TMCC1: variants seen among roughly 807,000 people sequenced by gnomAD.
TMCC1 encodes transmembrane and coiled-coil domains protein 1.
A neutral mutation model predicts 52.4 loss-of-function variants in TMCC1; 15 were observed. The observed-to-expected ratio is 0.29, with a 90% CI of 0.19 to 0.44. The LOEUF is 0.44. TMCC1 is among the 20% of genes least tolerant of loss of function. The pLI is 1.00. For missense variants in TMCC1, 503 were observed against 806.0 expected (o/e 0.62, Z 4.55); for synonymous variants, 279 against 301.9 (o/e 0.92, Z 0.79).
intron 5 of TMCC1, among the ~76,000 whole-genome samples, chr3:129,666,338 A>G (rs529088725): frequency 6.6e-6 from 1 of 152,350 alleles, no homozygotes; most frequent in Non-Finnish European, 1.5e-5. Context: ...TAAGCTGAAT[A>G]CTACCATATC....
chr3:129,678,773 A>T (rs1334693704), intron 4 of TMCC1, among the ~76,000 whole-genome samples: 1 of 152,208 alleles, frequency 6.6e-6, no homozygotes, highest in East Asian at 1.9e-4. Context: ...ATCACAAATT[A>T]AAGAAGTACC....
At chr3:129,694,605 G>C (rs969874612) in intron 4 of TMCC1, among the ~76,000 whole-genome samples, 1 of 152,194 alleles carries the variant, frequency 6.6e-6, no homozygotes, top group African/African-American at 2.4e-5. Context: ...CTGAAACCAA[G>C]ATGGCGATGA....
chr3:129,771,494 G>C lies in TMCC1; in HGVS notation c.576+56309C>G, dbSNP rs149122617. Among the ~76,000 whole-genome samples the C allele has an allele frequency of 5.4e-4, 82 of 152,182 alleles. 3 individuals are homozygous for C. In the East Asian group the frequency reaches 0.011, roughly 20 times the overall value. On this transcript the variant is annotated intron_variant, in intron 4 of 6. Transcript: ENST00000393238. The stretch of plus-strand genomic sequence containing the variant: ...ACACAGTTTAGAAAGATTTATGTGG[G>C]CTGGGCACGGTTGCTCACACATGTA...
At chr3:129,684,701 A>G (rs1490672590) in intron 4 of TMCC1, among the ~76,000 whole-genome samples, 1 of 152,218 alleles carries the variant, frequency 6.6e-6, no homozygotes, top group Non-Finnish European at 1.5e-5. Flanking sequence ...GTAAAGTAGA[A>G]AAGTATATGA....
chr3:129,677,696 G>A (rs1439308252), intron 4 of TMCC1, among the ~76,000 whole-genome samples: 1 of 152,206 alleles, frequency 6.6e-6, no homozygotes, highest in Non-Finnish European at 1.5e-5. Context: ...CCCTGAGCTG[G>A]TTGTCATGGC....
At chr3:129,796,819 G>T (rs1045938009) in intron 4 of TMCC1, among the ~76,000 whole-genome samples, 2 of 152,178 alleles carry the variant, frequency 1.3e-5, no homozygotes, top group Non-Finnish European at 2.9e-5. Flanking sequence ...AACAGAGTGA[G>T]ACCTTATCTC....
intron 1 of TMCC1, among the ~76,000 whole-genome samples, chr3:129,881,622 A>T (rs1577209576): frequency 6.6e-6 from 1 of 152,246 alleles, no homozygotes; most frequent in Non-Finnish European, 1.5e-5. Context: ...ATACAGAACA[A>T]GAAATCTGTT....
chr3:129,859,330 T>G (rs1482283789), intron 2 of TMCC1, among the ~76,000 whole-genome samples: 1 of 152,180 alleles, frequency 6.6e-6, no homozygotes, highest in Non-Finnish European at 1.5e-5. Context: ...AAGTATGAGA[T>G]AAACCATAAA....
intron 4 of TMCC1, among the ~76,000 whole-genome samples, chr3:129,778,642 G>A (rs185879263): frequency 6.2e-4 from 93 of 149,660 alleles, no homozygotes; most frequent in South Asian, 6.5e-4. Flanking sequence ...CATGTTAGGG[G>A]AGGGACCTCA....
At chr3:129,797,663 C>A (rs1187413949) in intron 4 of TMCC1, among the ~76,000 whole-genome samples, 3 of 150,310 alleles carry the variant, frequency 2.0e-5, no homozygotes, top group Non-Finnish European at 4.4e-5. Context: ...GAGGATCACT[C>A]GAGTATGGGA....
intron 5 of TMCC1, among the ~76,000 whole-genome samples, chr3:129,668,700 A>C (rs1340763599): frequency 6.6e-6 from 1 of 152,198 alleles, no homozygotes; most frequent in African/African-American, 2.4e-5. Context: ...ATCTCGGCTC[A>C]CTGCAACCTC....
chr3:129,877,374 A>G (rs1376536181), intron 2 of TMCC1, among the ~76,000 whole-genome samples: 2 of 152,104 alleles, frequency 1.3e-5, no homozygotes, highest in East Asian at 3.8e-4. Flanking sequence ...TTCTCATCTT[A>G]ACTCTCCAGC....
At position 129,680,006 on chromosome 3, in the gene TMCC1, T is replaced by G. The variant is rs115103085; in HGVS notation, c.577-8742A>C. On this transcript the variant is annotated intron_variant, in intron 4 of 6. Coordinates refer to ENST00000393238, the MANE Select transcript of TMCC1 (RefSeq NM_001017395.5). ...TAACAGGATCTTATTGCATCAGAGA[T>G]TGACTTTTAAAAGCTTCCCAAAGTA... Among the ~76,000 whole-genome samples, 221 of 152,344 alleles carry G rather than the reference T, an allele frequency of 1.5e-3. 1 individual carries two copies. Among genetic ancestry groups the G allele is most frequent in the African/African-American group, 5.2e-3 (216 of 41,576 alleles).
At chr3:129,764,781 ATATATATATTTTTTTTTTTTTT>A (rs1328874459) in intron 4 of TMCC1, among the ~76,000 whole-genome samples, 138 of 76,044 alleles carry the variant, frequency 1.8e-3, no homozygotes, top group Middle Eastern at 6.8e-3. Context: ...ATATATATAT[ATATATATATTTTTTTTTTTTTT>A]TTTTTTTTTT....
chr3:129,824,765 C>G lies in TMCC1; in HGVS notation c.576+3038G>C, dbSNP rs551273214. The stretch of plus-strand genomic sequence containing the variant: ...TTAAAGGCCTATAAGACATTCTCTT[C>G]ATAGTAGGTGTCAGCCACCCAACTG... On this transcript the variant is annotated intron_variant, in intron 4 of 6. Coordinates refer to ENST00000393238, the MANE Select transcript of TMCC1 (RefSeq NM_001017395.5). 7.2e-5 allele frequency among the ~76,000 whole-genome samples: 11 copies of G among 152,336 alleles called. No homozygotes were observed. The South Asian group carries it at 2.3e-3, about 32-fold the overall frequency.
At chr3:129,858,607 A>G (rs1486453932) in intron 2 of TMCC1, among the ~76,000 whole-genome samples, 3 of 152,118 alleles carry the variant, frequency 2.0e-5, no homozygotes, top group African/African-American at 7.2e-5. Context: ...CGTGAGCTCA[A>G]GCAATCCACC....
At chr3:129,841,238 G>A (rs1414682282) in intron 2 of TMCC1, among the ~76,000 whole-genome samples, 1 of 152,184 alleles carries the variant, frequency 6.6e-6, no homozygotes, top group East Asian at 1.9e-4. Context: ...AGAGTATCTG[G>A]CAGGAGAAAT....
At chr3:129,693,996 A>G (rs2047211742) in intron 4 of TMCC1, among the ~76,000 whole-genome samples, 1 of 152,180 alleles carries the variant, frequency 6.6e-6, no homozygotes, top group Admixed American at 6.5e-5. Flanking sequence ...ACAATAGTTG[A>G]CTTGATATAG....
intron 4 of TMCC1, among the ~76,000 whole-genome samples, chr3:129,677,923 G>A (rs2088598403): frequency 6.6e-6 from 1 of 152,048 alleles, no homozygotes; most frequent in Non-Finnish European, 1.5e-5. Context: ...TCCAACAGTC[G>A]GTTCATTTTT....
Sources: allele counts gnomAD v4.1 joint callset (sites outside exome capture counted in the v4.1 genomes callset), GRCh38; gene constraint gnomAD v4.1.1; transcripts MANE v1.5; gene names NCBI Gene and HGNC (gene_info 2026-07-23, HGNC 2026-07-21).